ROCK1: variants seen among roughly 807,000 people sequenced by gnomAD.
ROCK1 encodes the protein Rho associated coiled-coil containing protein kinase 1.
Under a neutral mutation model 196.8 loss-of-function variants are expected in ROCK1, and 36 were observed. That is an observed-to-expected ratio of 0.18 (90% CI 0.14 to 0.24). The LOEUF (loss-of-function observed/expected upper bound fraction) is 0.24. Ranked by LOEUF, ROCK1 falls within the 10% of genes least tolerant of loss-of-function variation. The pLI is 1.00. For synonymous variants in ROCK1, 443 were observed against 515.9 expected, an observed-to-expected ratio of 0.86 and a Z score of 1.91; for missense variants, 920 against 1,562.0, an observed-to-expected ratio of 0.59 and a Z score of 6.93.
chr18:20,995,409 C>A (rs2035662163), intron 16 of ROCK1, among the ~76,000 whole-genome samples: 1 of 152,192 alleles, frequency 6.6e-6, no homozygotes. Flanking sequence ...CAGAAAAGCA[C>A]CTTCATAAGA....
chr18:20,958,260 CTTAA>C (rs2035266080), intron 29 of ROCK1, among the ~76,000 whole-genome samples: 1 of 151,902 alleles, frequency 6.6e-6, no homozygotes, highest in Non-Finnish European at 1.5e-5. Flanking sequence ...CTAGAACTTG[CTTAA>C]TTCTTTTCAC....
intron 16 of ROCK1, among the ~76,000 whole-genome samples, chr18:20,994,699 T>C (rs2035655553): frequency 6.6e-6 from 1 of 152,218 alleles, no homozygotes; most frequent in Admixed American, 6.5e-5. Flanking sequence ...ACTATATGGG[T>C]TGAATCCACG....
chr18:20,977,119 T>C (rs1446331412), intron 22 of ROCK1, among the ~76,000 whole-genome samples: 2 of 152,192 alleles, frequency 1.3e-5, no homozygotes, highest in Non-Finnish European at 2.9e-5. Context: ...CAATTCATTC[T>C]CCACTCCTTA....
At chr18:21,026,939 CTTT>C (rs1208782541) in intron 10 of ROCK1, among the ~76,000 whole-genome samples, 4 of 136,250 alleles carry the variant, frequency 2.9e-5, no homozygotes, top group Non-Finnish European at 6.4e-5. Context: ...CTTTTTCTTT[CTTT>C]TTTTTTTTTT....
chr18:21,079,811 C>T (rs1287540967), intron 1 of ROCK1, among the ~76,000 whole-genome samples: 1 of 152,180 alleles, frequency 6.6e-6, no homozygotes. Flanking sequence ...GACCTCAGTC[C>T]ATTTGCCCTC....
intron 16 of ROCK1, among the ~76,000 whole-genome samples, chr18:21,000,410 G>A (rs1210571852): frequency 1.3e-5 from 2 of 152,018 alleles, no homozygotes; most frequent in African/African-American, 4.8e-5. Flanking sequence ...CTACAGGCAC[G>A]TGCCATCATG....
rs1465950626 is a variant in ROCK1, at chr18:21,042,556, C to T, written c.820+9G>A. 2 of 1,612,818 alleles carry T rather than the reference C, an allele frequency of 1.2e-6. No individual in the cohort carries two copies. On this transcript the variant is annotated intron_variant, in intron 7 of 32. Coordinates refer to ENST00000399799, the MANE Select transcript of ROCK1 (RefSeq NM_005406.3). Reference sequence around the variant, plus strand: ...TGTAATAGAGAGACATAAAATCTTCCTTACTCACCTACAAGCATTTCGTAT... The same window carrying T: ...TGTAATAGAGAGACATAAAATCTTCTTTACTCACCTACAAGCATTTCGTAT...
chr18:21,021,912 A>G (rs750614043), intron 11 of ROCK1, among the ~76,000 whole-genome samples: 16 of 152,184 alleles, frequency 1.1e-4, no homozygotes, highest in African/African-American at 3.1e-4. Flanking sequence ...TTAGCAATAC[A>G]TAACTTGCCA....
intron 22 of ROCK1, among the ~76,000 whole-genome samples, chr18:20,974,851 T>C (rs1318504509): frequency 1.3e-5 from 2 of 152,240 alleles, no homozygotes; most frequent in Admixed American, 1.3e-4. Flanking sequence ...TCTGATCTCC[T>C]TCCCATGCTC....
chr18:20,956,471 G>GGGCT (rs2035243318), intron 29 of ROCK1, among the ~76,000 whole-genome samples: 1 of 152,142 alleles, frequency 6.6e-6, no homozygotes, highest in African/African-American at 2.4e-5. Flanking sequence ...TGGATACAGA[G>GGGCT]GGCTGACTGT....
At chr18:21,085,546 C>T (rs1429645455) in intron 1 of ROCK1, among the ~76,000 whole-genome samples, 4 of 152,016 alleles carry the variant, frequency 2.6e-5, no homozygotes, top group Non-Finnish European at 4.4e-5. Context: ...TGATTTAAAA[C>T]TTAAACTTGA....
rs1010854981 is a variant in ROCK1 at position 20,948,318 on chromosome 18, T to A, written c.*3066A>T. On this transcript the variant is annotated 3_prime_UTR_variant, in exon 33 of 33. Transcript: ENST00000399799. ...CGATGCAGGAAAGAAGTATTTTCAATGAATACTGCAGTATCAACTGAATAT... is the reference window on the plus strand; with the variant it reads ...CGATGCAGGAAAGAAGTATTTTCAAAGAATACTGCAGTATCAACTGAATAT... 6.6e-6 allele frequency: 1 copy of A among 152,098 alleles called. No individual in the cohort carries two copies. Among genetic ancestry groups the A allele is most frequent in the Non-Finnish European group, 1.5e-5 (1 of 68,038 alleles). The allele number at this position is 152,098 out of a possible 1,614,324, so 9.4% of individuals were successfully genotyped here.
chr18:21,074,549 T>C (rs1003566627), intron 1 of ROCK1, among the ~76,000 whole-genome samples: 5 of 152,144 alleles, frequency 3.3e-5, no homozygotes, highest in Non-Finnish European at 7.3e-5. Context: ...TGCTCTATTC[T>C]CCCGCTGGAA....
chr18:21,064,638 T>TA (rs2036319012), intron 2 of ROCK1, among the ~76,000 whole-genome samples: 1 of 152,238 alleles, frequency 6.6e-6, no homozygotes, highest in Non-Finnish European at 1.5e-5. Flanking sequence ...GTAAAGGGCT[T>TA]AAGAGCTTTT....
At chr18:21,045,548 T>A in intron 4 of ROCK1, 81 bp from the exon 5 acceptor site, 1 of 1,086,256 alleles carries the variant, frequency 9.2e-7, no homozygotes, top group Non-Finnish European at 1.3e-6. Flanking sequence ...GCAAAAATGT[T>A]AATAAAAGAT....
intron 2 of ROCK1, among the ~76,000 whole-genome samples, chr18:21,053,324 G>A (rs1459804982): frequency 6.6e-6 from 1 of 151,410 alleles, no homozygotes; most frequent in African/African-American, 2.4e-5. Context: ...TCTTTATGAA[G>A]AAATTTTACT....
At chr18:20,969,274 C>G in intron 23 of ROCK1, 66 bp from the exon 24 acceptor site, 1 of 913,748 alleles carries the variant, frequency 1.1e-6, no homozygotes, top group South Asian at 1.4e-5. Context: ...AGGCAGTAAC[C>G]TTTAAATATA....
chr18:21,006,300 A>T, intron 16 of ROCK1, 51 bp downstream of exon 16: 1 of 1,418,670 alleles, frequency 7.0e-7, no homozygotes, highest in African/African-American at 1.4e-5. Context: ...TTAAAATGTT[A>T]TAATAAATTT....
intron 9 of ROCK1, among the ~76,000 whole-genome samples, chr18:21,032,347 C>T (rs1042104881): frequency 9.9e-5 from 15 of 150,830 alleles, no homozygotes; most frequent in Admixed American, 2.7e-4. Flanking sequence ...TGTAATTCCA[C>T]GTTAACTAAT....
Sources: gnomAD v4.1 joint callset for allele counts (sites outside exome capture counted in the v4.1 genomes callset) on GRCh38, gnomAD v4.1.1 for gene constraint, MANE v1.5 for transcripts, NCBI Gene and HGNC (gene_info 2026-07-23, HGNC 2026-07-21) for gene names.